ARHGAP32: variants seen among roughly 807,000 people sequenced by gnomAD.
ARHGAP32 encodes Rho GTPase activating protein 32.
Under a neutral mutation model 186.5 loss-of-function variants are expected in ARHGAP32, and 51 were observed. The ratio of observed to expected loss-of-function variants is 0.27; its 90% CI spans 0.22 to 0.35. The LOEUF is 0.35. ARHGAP32 is among the 10% of genes least tolerant of loss of function. The probability of loss-of-function intolerance (pLI) is 1.00; values close to 1 mark genes in which losing one functional copy is unlikely to be tolerated. For missense variants in ARHGAP32, 2,186 were observed against 2,623.5 expected, an observed-to-expected ratio of 0.83 and a Z score of 3.64; for synonymous variants, 950 against 964.3, an observed-to-expected ratio of 0.99 and a Z score of 0.27.
chr11:128,992,765 C>G (rs1266322217), intron 12 of ARHGAP32, among the ~76,000 whole-genome samples: 2 of 151,946 alleles, frequency 1.3e-5, no homozygotes, highest in East Asian at 3.9e-4. Context: ...CCAGCCTGGG[C>G]AACAAGAGCA....
At chr11:129,156,686 G>A (rs544157349) in intron 2 of ARHGAP32, among the ~76,000 whole-genome samples, 1 of 152,304 alleles carries the variant, frequency 6.6e-6, no homozygotes, top group Non-Finnish European at 1.5e-5. Flanking sequence ...TGCCAACTCT[G>A]AAGAGAGCAA....
At position 129,007,046 on chromosome 11, in the gene ARHGAP32, T is replaced by C. The variant is rs148502472; in HGVS notation, c.1046-8578A>G. Among the ~76,000 whole-genome samples, 486 of 152,210 alleles carry C rather than the reference T, an allele frequency of 3.2e-3. 4 individuals are homozygous for C. Among genetic ancestry groups the C allele is most frequent in the African/African-American group, 0.011 (441 of 41,532 alleles). On this transcript the variant is annotated intron_variant, in intron 11 of 22. Transcript: ENST00000682385. ...CACAGGGAGTACTGCCAGGTTACCA[T>C]TGATGTTCACTTAAGGCCCAAAGGC...
intron 1 of ARHGAP32, among the ~76,000 whole-genome samples, chr11:129,238,671 A>G (rs1944969326): frequency 6.6e-6 from 1 of 151,992 alleles, no homozygotes; most frequent in Admixed American, 6.6e-5. Context: ...TGATCCCAGG[A>G]GTTCCAGGGC....
chr11:129,178,294 G>T (rs1943966681), intron 1 of ARHGAP32, among the ~76,000 whole-genome samples: 1 of 151,796 alleles, frequency 6.6e-6, no homozygotes, highest in Admixed American at 6.6e-5. Context: ...AATAAAAGAG[G>T]ATACAAACAA....
chr11:129,001,165 T>C (rs1194339006), intron 11 of ARHGAP32, among the ~76,000 whole-genome samples: 1 of 152,308 alleles, frequency 6.6e-6, no homozygotes, highest in Non-Finnish European at 1.5e-5. Flanking sequence ...ACTGCTGTAT[T>C]GTATAGTAGT....
chr11:129,264,516 C>G (rs958053243), intron 1 of ARHGAP32, among the ~76,000 whole-genome samples: 3 of 152,050 alleles, frequency 2.0e-5, no homozygotes, highest in Non-Finnish European at 4.4e-5. Context: ...AACAATTAAA[C>G]AGTTAGCAAT....
chr11:129,034,534 T>C (rs879357538), intron 11 of ARHGAP32, among the ~76,000 whole-genome samples: 5 of 150,250 alleles, frequency 3.3e-5, no homozygotes, highest in Non-Finnish European at 7.4e-5. Flanking sequence ...GTGGAAAAGG[T>C]GGATGATGCA....
chr11:129,034,777 G>A (rs1349194924), intron 11 of ARHGAP32, among the ~76,000 whole-genome samples: 1 of 147,294 alleles, frequency 6.8e-6, no homozygotes, highest in African/African-American at 2.5e-5. Context: ...AGGAGATCGT[G>A]CCACTGCACT....
rs1945442032 is a variant in ARHGAP32 at position 129,269,040 on chromosome 11, G to C, written c.-5+10106C>G. Among the ~76,000 whole-genome samples the C allele has an allele frequency of 3.3e-5, 5 of 152,212 alleles. No homozygotes were observed. In the South Asian group the frequency reaches 1.0e-3, roughly 32 times the overall value. On this transcript the variant is annotated intron_variant, in intron 1 of 6. Transcript: ENST00000525234. ...AATCCCAGAGCTTTGGAAGGCCAAT[G>C]CAGTTGAATCACTTGAGTCCAGGAG...
At chr11:129,075,284 T>C (rs1258997933) in intron 6 of ARHGAP32, among the ~76,000 whole-genome samples, 2 of 151,980 alleles carry the variant, frequency 1.3e-5, no homozygotes, top group Admixed American at 6.6e-5. Context: ...TAGATTAAAA[T>C]AAAATGATAA....
intron 5 of ARHGAP32, among the ~76,000 whole-genome samples, chr11:129,102,124 T>C (rs971018323): frequency 1.3e-5 from 2 of 151,972 alleles, no homozygotes; most frequent in African/African-American, 4.8e-5. Context: ...AAAGGAGAAA[T>C]AAGATCCTTT....
intron 1 of ARHGAP32, among the ~76,000 whole-genome samples, chr11:129,239,770 C>T (rs951152874): frequency 2.0e-5 from 3 of 152,052 alleles, no homozygotes; most frequent in Non-Finnish European, 4.4e-5. Flanking sequence ...CAAAGCCTTC[C>T]CCCTCCATCC....
At chr11:129,180,192 A>G (rs2135529893) in intron 1 of ARHGAP32, among the ~76,000 whole-genome samples, 1 of 152,294 alleles carries the variant, frequency 6.6e-6, no homozygotes, top group South Asian at 2.1e-4. Flanking sequence ...CTACTCATAA[A>G]TAAAAAGGAA....
intron 1 of ARHGAP32, among the ~76,000 whole-genome samples, chr11:129,200,966 GA>G (rs927513009): frequency 6.6e-6 from 1 of 151,896 alleles, no homozygotes; most frequent in African/African-American, 2.4e-5. Context: ...TAAAAAATAA[GA>G]AAAAAGTCCC....
intron 11 of ARHGAP32, among the ~76,000 whole-genome samples, chr11:129,002,672 T>C (rs1937593104): frequency 1.3e-5 from 2 of 152,160 alleles, no homozygotes; most frequent in Admixed American, 1.3e-4. Flanking sequence ...ATGTTCCTGA[T>C]GTTAAAAGAC....
In ARHGAP32 at chr11:129,192,115, G is replaced by A. The variant is rs772016274; in HGVS notation, c.84C>T (p.Asp28=). 2 of 1,613,646 alleles carry A rather than the reference G, an allele frequency of 1.2e-6. No homozygotes were observed. Among genetic ancestry groups the A allele is most frequent in the Non-Finnish European group, 1.7e-6 (2 of 1,179,724 alleles). The change falls in exon 1 of 23, where the codon GAC becomes GAT. Residue 28 remains aspartate (D), a synonymous_variant. Coordinates refer to ENST00000682385, the MANE Select transcript of ARHGAP32 (RefSeq NM_001378024.1). ...TCTCTTCCCTTTCTTCCTCTTCACA[G>A]TCAGTCACCTGGATTATAACTTCAG... ...LESEVIIQVT[D]CEEEEREEKF...
chr11:129,245,278 G>T (rs1361953654), intron 1 of ARHGAP32, among the ~76,000 whole-genome samples: 2 of 145,766 alleles, frequency 1.4e-5, no homozygotes, highest in African/African-American at 5.1e-5. Context: ...CATAAAAAAT[G>T]ATGAGTTCAT....
At chr11:129,279,021 A>T (rs1591394935) in intron 1 of ARHGAP32, 3 of 147,538 alleles carry the variant, frequency 2.0e-5, no homozygotes, top group Admixed American at 2.0e-4. Context: ...CTCCGGGAGC[A>T]TGCGATCCGG....
intron 6 of ARHGAP32, among the ~76,000 whole-genome samples, chr11:129,081,970 G>C (rs1409468894): frequency 1.3e-5 from 2 of 152,028 alleles, no homozygotes; most frequent in Non-Finnish European, 2.9e-5. Flanking sequence ...ACCAAGCTGA[G>C]AATACAATCA....
Sources: gnomAD v4.1 joint callset for allele counts (sites outside exome capture counted in the v4.1 genomes callset) on GRCh38, gnomAD v4.1.1 for gene constraint, MANE v1.5 for transcripts, NCBI Gene and HGNC (gene_info 2026-07-23, HGNC 2026-07-21) for gene names.